The following RAD21L1 variants were observed in gnomAD, a reference collection of about 807,000 sequenced individuals.
RAD21L1 encodes the protein RAD21 cohesin complex component like 1, also known as double-strand-break repair protein rad21-like protein 1.
RAD21L1 carries 47 observed loss-of-function variants against 69.0 expected under a neutral mutation model. The observed-to-expected ratio is 0.68, with a 90% confidence interval of 0.54 to 0.87. RAD21L1 has a LOEUF of 0.87. RAD21L1 is among the 40% of genes least tolerant of loss of function. RAD21L1 has a pLI of 0.00. For synonymous variants in RAD21L1, 177 were observed against 205.8 expected (o/e 0.86, Z 1.20); for missense variants, 583 against 647.6 (o/e 0.90, Z 1.08).
intron 2 of RAD21L1, 25 bp from the exon 3 acceptor site, chr20:1,229,855 C>T: frequency 2.0e-6 from 3 of 1,522,432 alleles, no homozygotes; most frequent in Non-Finnish European, 2.7e-6. Context: ...CTTTACTCTT[C>T]TAATACTTCA....
intron 5 of RAD21L1, 52 bp from the exon 6 acceptor site, chr20:1,237,992 C>A: frequency 1.0e-6 from 1 of 993,036 alleles, no homozygotes; most frequent in East Asian, 2.7e-5. Context: ...TCCTTCTAAC[C>A]CTATAATTCT....
At chr20:1,232,271 A>T (rs922463858) in intron 4 of RAD21L1, among the ~76,000 whole-genome samples, 1 of 152,180 alleles carries the variant, frequency 6.6e-6, no homozygotes, top group African/African-American at 2.4e-5. Flanking sequence ...GACACAGATG[A>T]TGTAGGGTGT....
intron 3 of RAD21L1, 68 bp from the exon 4 acceptor site, chr20:1,231,458 G>A: frequency 1.3e-6 from 1 of 766,452 alleles, no homozygotes; most frequent in South Asian, 1.6e-5. Flanking sequence ...AGAATATAGA[G>A]TTAGTTGGGA....
At chr20:1,228,977 G>T (rs1206059903) in intron 2 of RAD21L1, among the ~76,000 whole-genome samples, 3 of 152,310 alleles carry the variant, frequency 2.0e-5, no homozygotes, top group Admixed American at 1.3e-4. Context: ...ATGTGAAAAT[G>T]TGTCATAAAC....
intron 3 of RAD21L1, 57 bp from the exon 4 acceptor site, chr20:1,231,469 G>C: frequency 1.2e-6 from 1 of 849,522 alleles, no homozygotes; most frequent in Non-Finnish European, 1.9e-6. Context: ...TTAGTTGGGA[G>C]TTCTTTGTTT....
intron 13 of RAD21L1, among the ~76,000 whole-genome samples, chr20:1,252,024 A>G (rs1331385368): frequency 6.6e-6 from 1 of 152,170 alleles, no homozygotes; most frequent in Admixed American, 6.5e-5. Context: ...CCTCATTTGC[A>G]TACCTCCAAC....
intron 2 of RAD21L1, 150 bp from the exon 3 acceptor site, chr20:1,229,730 A>G: frequency 1.8e-6 from 1 of 541,594 alleles, no homozygotes; most frequent in South Asian, 3.5e-5. Flanking sequence ...ATCATTTTGC[A>G]AGGTAAGGTA....
At position 1,246,843 on chromosome 20, in the gene RAD21L1, C is replaced by T. The variant is rs1203975817; in HGVS notation, c.1401+538C>T. On this transcript the variant is annotated intron_variant, in intron 12 of 13. Transcript: ENST00000683101. The surrounding 1 kb of genome is among the most constrained non-coding windows in gnomAD (Gnocchi z 4.6). ...AAAGTCTGATTTCCCTGACTCCCTG[C>T]TTATTAACTGTCTTATTTCTCTGGT... 6.6e-6 allele frequency among the ~76,000 whole-genome samples: 1 copy of T among 152,078 alleles called. No individual in the cohort carries two copies. The highest frequency in any genetic ancestry group is 2.4e-5 in the African/African-American group (1 of 41,400).
chr20:1,250,171 C>A (rs1478540610), intron 13 of RAD21L1, among the ~76,000 whole-genome samples: 2 of 152,000 alleles, frequency 1.3e-5, no homozygotes, highest in African/African-American at 2.4e-5. Flanking sequence ...CGTGTCCCTA[C>A]AAAGGACATG....
chr20:1,231,693 C>A, intron 4 of RAD21L1, 74 bp downstream of exon 4: 1 of 772,472 alleles, frequency 1.3e-6, no homozygotes, highest in Non-Finnish European at 2.1e-6. Context: ...TTAATTGAGT[C>A]AAATGGAATG....
intron 4 of RAD21L1, among the ~76,000 whole-genome samples, chr20:1,232,068 TAAG>T (rs1568515904): frequency 6.6e-6 from 1 of 152,004 alleles, no homozygotes; most frequent in African/African-American, 2.4e-5. Context: ...TCTGAAAAGG[TAAG>T]AACAAATCTG....
intron 10 of RAD21L1, among the ~76,000 whole-genome samples, 164 bp from the exon 11 acceptor site, chr20:1,243,882 A>T (rs2087669179): frequency 6.6e-6 from 1 of 152,154 alleles, no homozygotes; most frequent in Non-Finnish European, 1.5e-5. Flanking sequence ...GAAAGGGAAG[A>T]TACATATGTG....
chr20:1,240,387 T>C lies in RAD21L1; in HGVS notation c.809T>C (p.Leu270Ser), dbSNP rs879685941. ...ENEKMNETIL[L>S]STEEEGFTLD... ...GAAAAAATGAATGAAACAATATTATTATCAACTGAAGAGGAAGGATTTACC... is the reference window on the plus strand; with the variant it reads ...GAAAAAATGAATGAAACAATATTATCATCAACTGAAGAGGAAGGATTTACC... The change falls in exon 8 of 14, where the codon TTA (leucine) becomes TCA (serine). Residue 270 changes from leucine to serine, a missense_variant. Leu to Ser is a moderately radical substitution (Grantham distance 145). Coordinates refer to ENST00000683101, the MANE Select transcript of RAD21L1 (RefSeq NM_001384355.1). 5.2e-6 allele frequency: 8 copies of C among 1,550,092 alleles called. No homozygotes were observed. The highest frequency in any genetic ancestry group is 7.0e-6 in the Non-Finnish European group (8 of 1,146,252).
At chr20:1,237,902 C>T in intron 5 of RAD21L1, 142 bp from the exon 6 acceptor site, 1 of 476,240 alleles carries the variant, frequency 2.1e-6, no homozygotes, top group Non-Finnish European at 3.7e-6. Context: ...TTGAATAATT[C>T]AAGTAAGTCT....
At position 1,243,096 on chromosome 20, in the gene RAD21L1, G is replaced by A; in HGVS notation, c.1084-1G>A. ...AAAAACAAAAATGTGTATTTTTACA[G>A]TTGTTTACAAAATGCTTTCTGTCCT... is the stretch of plus-strand genomic sequence containing the variant. On this transcript the variant is annotated splice_acceptor_variant, in intron 9 of 13. Coordinates refer to ENST00000683101, the MANE Select transcript of RAD21L1 (RefSeq NM_001384355.1). LOFTEE classifies it high-confidence loss of function. The A allele has an allele frequency of 1.3e-6, 2 of 1,510,642 alleles. No individual in the cohort carries two copies. The highest frequency in any genetic ancestry group is 1.8e-6 in the Non-Finnish European group (2 of 1,126,986). 93.6% of individuals were successfully genotyped at this position (1,510,642 alleles called of 1,614,324 possible).
intron 13 of RAD21L1, 54 bp downstream of exon 13, chr20:1,248,757 C>G (rs1353644306): frequency 1.9e-6 from 2 of 1,045,336 alleles, no homozygotes; most frequent in Non-Finnish European, 1.4e-6. Flanking sequence ...TAAGTAAATA[C>G]TGACTTCAAG....
At chr20:1,240,841 A>G (rs1218869430) in intron 8 of RAD21L1, among the ~76,000 whole-genome samples, 3 of 152,250 alleles carry the variant, frequency 2.0e-5, no homozygotes, top group African/African-American at 7.2e-5. Context: ...AAAAGTGGGT[A>G]TAAATATGAC....
chr20:1,228,871 A>T (rs1306482558), intron 2 of RAD21L1, among the ~76,000 whole-genome samples: 1 of 152,212 alleles, frequency 6.6e-6, no homozygotes, highest in Non-Finnish European at 1.5e-5. Flanking sequence ...TCACTAACAA[A>T]ATACAGTTGA....
Position 1,239,813 on chromosome 20 carries a change from T to C in RAD21L1, c.742+406T>C, listed in dbSNP as rs530894672. 7.9e-5 allele frequency among the ~76,000 whole-genome samples: 12 copies of C among 152,358 alleles called. No individual in the cohort carries two copies. The East Asian group carries it at 1.9e-3, about 24-fold the overall frequency. On this transcript the variant is annotated intron_variant, in intron 7 of 13. Transcript: ENST00000683101. ...ATTTGAGGTATTTTAGTCTGATTTT[T>C]CTTAAGAATTAAAAGTACAATTAGC...
Sources: allele counts gnomAD v4.1 joint callset (sites outside exome capture counted in the v4.1 genomes callset), GRCh38; gene constraint gnomAD v4.1.1; non-coding constraint Gnocchi (gnomAD v3.1); transcripts MANE v1.5; gene names NCBI Gene and HGNC (gene_info 2026-07-23, HGNC 2026-07-21).